The following ACER2 variants were observed in gnomAD, a reference collection of about 807,000 sequenced individuals.
ACER2 encodes the protein alkaline ceramidase 2.
Under a neutral mutation model 34.7 loss-of-function variants are expected in ACER2, and 26 were observed. The ratio of observed to expected loss-of-function variants is 0.75; its 90% CI spans 0.55 to 1.04. ACER2 has a LOEUF of 1.04. Ranked by LOEUF, ACER2 falls within the 50% of genes least tolerant of loss-of-function variation. ACER2 has a pLI of 0.00. For missense variants in ACER2, 352 were observed against 340.8 expected (o/e 1.03, Z -0.26); for synonymous variants, 138 against 132.1 (o/e 1.04, Z -0.31).
chr9:19,434,803 A>T lies in ACER2; in HGVS notation c.366-144A>T. Reference sequence around the variant, plus strand: ...GACGAAGTCTCGCTCTGTCGCCGTGAGTGGCTTTTTGAACCTTGGTACTTA... The same window carrying T: ...GACGAAGTCTCGCTCTGTCGCCGTGTGTGGCTTTTTGAACCTTGGTACTTA... On this transcript the variant is annotated intron_variant, in intron 3 of 5. Transcript: ENST00000340967. 4.1e-6 allele frequency: 4 copies of T among 983,420 alleles called. No homozygotes were observed. The East Asian group carries it at 7.4e-5, about 18-fold the overall frequency. 60.9% of individuals were successfully genotyped at this position (983,420 alleles called of 1,614,324 possible). A position where few individuals can be genotyped will look rare whatever the true frequency, so the allele number is the denominator to read the frequency against.
At chr9:19,417,239 G>A (rs1164930328) in intron 1 of ACER2, among the ~76,000 whole-genome samples, 3 of 152,184 alleles carry the variant, frequency 2.0e-5, no homozygotes, top group African/African-American at 7.2e-5. Flanking sequence ...CAAACAAATG[G>A]AAGAATATTC....
chr9:19,413,482 C>A (rs373979713), intron 1 of ACER2, among the ~76,000 whole-genome samples: 2 of 152,032 alleles, frequency 1.3e-5, no homozygotes, highest in Middle Eastern at 3.4e-3. Context: ...TGCCTGTAGT[C>A]CCAGCTACTA....
At chr9:19,412,361 G>A (rs1216266514) in intron 1 of ACER2, among the ~76,000 whole-genome samples, 1 of 152,110 alleles carries the variant, frequency 6.6e-6, no homozygotes, top group South Asian at 2.1e-4. Context: ...TATAAAATAC[G>A]CATGTATAAG....
chr9:19,424,464 T>A (rs1224104991), intron 2 of ACER2: 1 of 985,256 alleles, frequency 1.0e-6, no homozygotes, highest in African/African-American at 1.7e-5. Flanking sequence ...TGCGTTTAAC[T>A]GTGGAATTGT....
In ACER2 at chr9:19,425,194, C is replaced by T. The variant is rs144813232; in HGVS notation, c.365+353C>T. ...TTTCTGCTACAACATTTCCTTGAGACTAATCCAACTCCACCAGTTTTATAC... is the reference window on the plus strand; with the variant it reads ...TTTCTGCTACAACATTTCCTTGAGATTAATCCAACTCCACCAGTTTTATAC... On this transcript the variant is annotated intron_variant, in intron 3 of 5. Coordinates refer to ENST00000340967, the MANE Select transcript of ACER2 (RefSeq NM_001010887.3). Among the ~76,000 whole-genome samples the T allele has an allele frequency of 8.8e-3, 1,343 of 152,330 alleles. 21 individuals are homozygous for T. The highest frequency in any genetic ancestry group is 0.031 in the African/African-American group (1,269 of 41,572).
chr9:19,447,882 CA>C (rs1318863882), intron 5 of ACER2, among the ~76,000 whole-genome samples: 3 of 151,524 alleles, frequency 2.0e-5, no homozygotes, highest in Admixed American at 2.0e-4. Flanking sequence ...TTCTATCCCC[CA>C]AAGAAACATA....
At chr9:19,445,707 T>G (rs555717282) in intron 4 of ACER2, among the ~76,000 whole-genome samples, 1 of 151,766 alleles carries the variant, frequency 6.6e-6, no homozygotes, top group African/African-American at 2.4e-5. Flanking sequence ...GAGGGAAGAG[T>G]ACACACGAGA....
In ACER2 at chr9:19,424,829, T is replaced by G; in HGVS notation, c.353T>G (p.Phe118Cys). 1 of 1,614,150 alleles carries G rather than the reference T, an allele frequency of 6.2e-7. No homozygotes were observed. The highest frequency in any genetic ancestry group is 1.1e-5 in the South Asian group (1 of 91,068). ...WFPRRYLPKI[F>C]RNDRGRFKVV... ...CCCAGAAGGTATCTACCAAAGATCT[T>G]TCGGAATGACCGGTAAGCTTGCACT... The change falls in exon 3 of 6, where the codon TTT (phenylalanine) becomes TGT (cysteine). Residue 118 changes from phenylalanine (F) to cysteine (C), a missense_variant. Phe to Cys is a radical substitution (Grantham distance 205). Coordinates refer to ENST00000340967, the MANE Select transcript of ACER2 (RefSeq NM_001010887.3).
At chr9:19,448,327 T>TA (rs1235789509) in intron 5 of ACER2, among the ~76,000 whole-genome samples, 2 of 152,152 alleles carry the variant, frequency 1.3e-5, no homozygotes, top group African/African-American at 4.8e-5. Context: ...ACTTTTTTTT[T>TA]AACCAAATAC....
At chr9:19,433,776 G>T (rs1169909477) in intron 3 of ACER2, among the ~76,000 whole-genome samples, 1 of 151,224 alleles carries the variant, frequency 6.6e-6, no homozygotes, top group African/African-American at 2.4e-5. Context: ...GGCTGGCCGG[G>T]CGGGGGGCTG....
rs10569579 is a variant in ACER2 at position 19,428,776 on chromosome 9, G to GTTTT, written c.365+3963_365+3966dup. ...TTATGAATGGCTTATGGACAAGTGG[G>GTTTT]TTTTTTTTTTTTTTTTTTTTTTTTT... On this transcript the variant is annotated intron_variant, in intron 3 of 5. Transcript: ENST00000340967. Among the ~76,000 whole-genome samples the GTTTT allele has an allele frequency of 6.8e-4, 53 of 77,892 alleles. 1 individual carries two copies. The highest frequency in any genetic ancestry group is 7.7e-4 in the Non-Finnish European group (33 of 42,660). The allele number at this position is 77,892 out of a possible 152,430, so 51.1% of individuals were successfully genotyped here.
At chr9:19,420,885 A>G (rs1350849236) in intron 1 of ACER2, among the ~76,000 whole-genome samples, 2 of 152,114 alleles carry the variant, frequency 1.3e-5, no homozygotes, top group East Asian at 1.9e-4. Flanking sequence ...CGCTAATCCA[A>G]TTTAACACCT....
intron 1 of ACER2, among the ~76,000 whole-genome samples, chr9:19,414,417 A>C (rs1487855279): frequency 6.6e-6 from 1 of 152,244 alleles, no homozygotes; most frequent in African/African-American, 2.4e-5. Flanking sequence ...CAGTATGTTC[A>C]TGAGATTATT....
intron 1 of ACER2, among the ~76,000 whole-genome samples, chr9:19,422,727 T>G (rs570448719): frequency 2.0e-5 from 3 of 151,458 alleles, no homozygotes; most frequent in Admixed American, 6.6e-5. Context: ...AATACAGACC[T>G]TATCTTTAAA....
chr9:19,439,128 G>A (rs940750932), intron 4 of ACER2, among the ~76,000 whole-genome samples: 3 of 152,048 alleles, frequency 2.0e-5, no homozygotes, highest in African/African-American at 7.2e-5. Context: ...GAAATAATTT[G>A]TTTCATGCTT....
chr9:19,451,702 G>A lies in ACER2; in HGVS notation c.*1066G>A, dbSNP rs1589075992. 6.6e-6 allele frequency: 1 copy of A among 152,160 alleles called. No homozygotes were observed. Among genetic ancestry groups the A allele is most frequent in the African/African-American group, 2.4e-5 (1 of 41,434 alleles). 9.4% of individuals were successfully genotyped at this position (152,160 alleles called of 1,614,324 possible). ...CACAGACCCACCATCTTTAAGACTT[G>A]ACCTCTGTAAGTTTACCAAAGGGCT... On this transcript the variant is annotated 3_prime_UTR_variant, in exon 6 of 6. Coordinates refer to ENST00000340967, the MANE Select transcript of ACER2 (RefSeq NM_001010887.3).
At chr9:19,449,724 C>G (rs921805394) in intron 5 of ACER2, among the ~76,000 whole-genome samples, 2 of 151,790 alleles carry the variant, frequency 1.3e-5, no homozygotes, top group African/African-American at 4.8e-5. Context: ...TCCCTCTCTA[C>G]TAAAAATACA....
intron 1 of ACER2, among the ~76,000 whole-genome samples, chr9:19,413,830 A>G (rs931910210): frequency 1.3e-4 from 20 of 152,214 alleles, no homozygotes; most frequent in Non-Finnish European, 2.5e-4. Context: ...GTCCCCAGTC[A>G]TCAAGATAAA....
Position 19,452,098 on chromosome 9 carries a change from A to C in ACER2, c.*1462A>C, listed in dbSNP as rs755433629. 6.5e-6 allele frequency: 1 copy of C among 152,790 alleles called. No homozygotes were observed. The highest frequency in any genetic ancestry group is 3.4e-3 in the Middle Eastern group (1 of 294). The allele number at this position is 152,790 out of a possible 1,614,324, so 9.5% of individuals were successfully genotyped here. On this transcript the variant is annotated 3_prime_UTR_variant, in exon 6 of 6. Transcript: ENST00000340967. ...TTCATCGGGCTGAATGAAAGATTCAAGAACCATCTTCAAGGTGCATGGTGG... is the reference window on the plus strand; with the variant it reads ...TTCATCGGGCTGAATGAAAGATTCACGAACCATCTTCAAGGTGCATGGTGG...
Sources: allele counts gnomAD v4.1 joint callset (sites outside exome capture counted in the v4.1 genomes callset), GRCh38; gene constraint gnomAD v4.1.1; transcripts MANE v1.5; gene names NCBI Gene and HGNC (gene_info 2026-07-23, HGNC 2026-07-21).